DSCAML1: variants seen among roughly 807,000 people sequenced by gnomAD.
DSCAML1 encodes cell adhesion molecule DSCAML1.
Under a neutral mutation model 200.5 loss-of-function variants are expected in DSCAML1, and 38 were observed. The ratio of observed to expected loss-of-function variants is 0.19; its 90% CI spans 0.15 to 0.25. DSCAML1 has a LOEUF of 0.25. DSCAML1 is among the 10% of genes least tolerant of loss of function. DSCAML1 has a pLI of 1.00. For synonymous variants in DSCAML1, 1,215 were observed against 1,165.0 expected, an observed-to-expected ratio of 1.04 and a Z score of -0.87; for missense variants, 2,223 against 2,858.8, an observed-to-expected ratio of 0.78 and a Z score of 5.07.
At chr11:117,753,356 CT>C (rs1158679796) in intron 3 of DSCAML1, among the ~76,000 whole-genome samples, 1 of 152,194 alleles carries the variant, frequency 6.6e-6, no homozygotes, top group African/African-American at 2.4e-5. Flanking sequence ...CTTCTCCTCC[CT>C]TTGCCCTTTG....
At chr11:117,673,650 C>T (rs1445592545) in intron 3 of DSCAML1, among the ~76,000 whole-genome samples, 1 of 152,176 alleles carries the variant, frequency 6.6e-6, no homozygotes, top group Non-Finnish European at 1.5e-5. Context: ...TCTAATTGGA[C>T]CTGCTGCCTG....
chr11:117,621,687 G>T (rs1270056397), intron 3 of DSCAML1, among the ~76,000 whole-genome samples: 1 of 152,210 alleles, frequency 6.6e-6, no homozygotes, highest in African/African-American at 2.4e-5. Flanking sequence ...TAGAAGCTGG[G>T]TTCTCTCATG....
intron 4 of DSCAML1, 101 bp from the exon 5 acceptor site, chr11:117,525,184 C>T (rs1481730394): frequency 7.3e-7 from 1 of 1,374,706 alleles, no homozygotes; most frequent in South Asian, 1.5e-5. Flanking sequence ...CTGCTGCCCA[C>T]TGGCGCCCAC....
rs73592189 is a variant in DSCAML1, at chr11:117,439,497, G to C, written c.3981-68C>G. On this transcript the variant is annotated intron_variant, in intron 22 of 32. Transcript: ENST00000651296. ...CCCTTCCTCCTGAGGCCCTCCCCCC[G>C]GTGTGTGACAAAGAGAGCTGGGGGT... The C allele has an allele frequency of 3.5e-4, 552 of 1,555,552 alleles. 2 individuals carry two copies. The African/African-American group carries it at 6.5e-3, about 18-fold the overall frequency.
chr11:117,798,509 G>A (rs1346882830), upstream of DSCAML1, among the ~76,000 whole-genome samples: 1 of 152,022 alleles, frequency 6.6e-6, no homozygotes, highest in Non-Finnish European at 1.5e-5. Context: ...ACTATTCTGT[G>A]GCATTAAATA....
At chr11:117,696,177 C>A (rs2053584927) in intron 3 of DSCAML1, among the ~76,000 whole-genome samples, 1 of 152,290 alleles carries the variant, frequency 6.6e-6, no homozygotes, top group South Asian at 2.1e-4. Context: ...GAGACGGGAG[C>A]AAGAAGCTTC....
intron 3 of DSCAML1, among the ~76,000 whole-genome samples, chr11:117,591,600 C>T (rs2051260684): frequency 6.6e-6 from 1 of 152,228 alleles, no homozygotes; most frequent in South Asian, 2.1e-4. Flanking sequence ...GAGATTTATG[C>T]ACCTGGGTGG....
chr11:117,727,910 A>T (rs1469444499), intron 3 of DSCAML1, among the ~76,000 whole-genome samples: 1 of 152,224 alleles, frequency 6.6e-6, no homozygotes, highest in Non-Finnish European at 1.5e-5. Context: ...TTCTTGGGGT[A>T]ATATGGGAAA....
At chr11:117,559,568 C>T (rs2050623563) in intron 3 of DSCAML1, among the ~76,000 whole-genome samples, 1 of 152,172 alleles carries the variant, frequency 6.6e-6, no homozygotes, top group South Asian at 2.1e-4. Flanking sequence ...GCTTGTAAGC[C>T]ATCAGGGAGT....
At chr11:117,794,814 C>G (rs1438542083) in intron 1 of DSCAML1, among the ~76,000 whole-genome samples, 1 of 151,938 alleles carries the variant, frequency 6.6e-6, no homozygotes, top group African/African-American at 2.4e-5. Flanking sequence ...CACCTAAGAC[C>G]CAATTAAGGC....
chr11:117,458,995 A>G, intron 18 of DSCAML1, 86 bp from the exon 19 acceptor site: 1 of 1,508,466 alleles, frequency 6.6e-7, no homozygotes. Context: ...CTCTGCCCAC[A>G]CCTACTGCAC....
At chr11:117,615,753 CA>C (rs970804829) in intron 3 of DSCAML1, among the ~76,000 whole-genome samples, 9 of 152,168 alleles carry the variant, frequency 5.9e-5, no homozygotes, top group African/African-American at 1.9e-4. Flanking sequence ...GAAATCCTCA[CA>C]AATGCACTTT....
chr11:117,558,323 A>ATAAAGG (rs1399244836), intron 3 of DSCAML1, among the ~76,000 whole-genome samples: 1 of 152,180 alleles, frequency 6.6e-6, no homozygotes, highest in Non-Finnish European at 1.5e-5. Flanking sequence ...AAACATGGAA[A>ATAAAGG]TAAAGGAAAA....
Position 117,469,878 on chromosome 11 carries a change from C to A in DSCAML1, c.3024+32G>T. 6.4e-7 allele frequency: 1 copy of A among 1,557,998 alleles called. No individual in the cohort carries two copies. The highest frequency in any genetic ancestry group is 8.7e-7 in the Non-Finnish European group (1 of 1,145,370). ...ATTGAGGAGAGAGGAGGCAAGCAGA[C>A]ATTCCAGGGGAGATGCCTTAGACAC... is the stretch of plus-strand genomic sequence containing the variant. On this transcript the variant is annotated intron_variant, in intron 16 of 32. Transcript: ENST00000651296. The surrounding 1 kb of genome is among the most constrained non-coding windows in gnomAD (Gnocchi z 4.1).
intron 3 of DSCAML1, among the ~76,000 whole-genome samples, chr11:117,620,267 G>A (rs1302071767): frequency 6.6e-6 from 1 of 152,060 alleles, no homozygotes; most frequent in Non-Finnish European, 1.5e-5. Flanking sequence ...AAGAGAACCA[G>A]GTCTGAATTT....
At chr11:117,790,076 A>AC (rs1184587191) in intron 1 of DSCAML1, among the ~76,000 whole-genome samples, 1 of 151,798 alleles carries the variant, frequency 6.6e-6, no homozygotes, top group Non-Finnish European at 1.5e-5. Flanking sequence ...CCTCTCTCAT[A>AC]CCCCACGACT....
intron 3 of DSCAML1, among the ~76,000 whole-genome samples, chr11:117,666,280 G>A (rs1192638755): frequency 2.6e-5 from 4 of 152,100 alleles, no homozygotes; most frequent in Non-Finnish European, 5.9e-5. Flanking sequence ...TGCTGTAAGC[G>A]TGCTGGGGAT....
intron 3 of DSCAML1, among the ~76,000 whole-genome samples, chr11:117,727,522 T>C (rs1298646224): frequency 6.6e-6 from 1 of 152,232 alleles, no homozygotes; most frequent in Non-Finnish European, 1.5e-5. Context: ...GTATTGCTTT[T>C]TAACTTGGCA....
At chr11:117,620,558 C>A (rs2051907756) in intron 3 of DSCAML1, among the ~76,000 whole-genome samples, 1 of 152,168 alleles carries the variant, frequency 6.6e-6, no homozygotes, top group Non-Finnish European at 1.5e-5. Flanking sequence ...TGTTTGCCAC[C>A]CGTTTGGACT....
Sources: allele counts gnomAD v4.1 joint callset (sites outside exome capture counted in the v4.1 genomes callset), GRCh38; gene constraint gnomAD v4.1.1; non-coding constraint Gnocchi (gnomAD v3.1); transcripts MANE v1.5; gene names NCBI Gene and HGNC (gene_info 2026-07-23, HGNC 2026-07-21).